The following CFAP61 variants were observed in gnomAD, a reference collection of about 807,000 sequenced individuals.
CFAP61 encodes the protein cilia- and flagella-associated protein 61.
Under a neutral mutation model 135.6 loss-of-function variants are expected in CFAP61, and 107 were observed. The ratio of observed to expected loss-of-function variants is 0.79; its 90% CI spans 0.67 to 0.93. The LOEUF (loss-of-function observed/expected upper bound fraction) is 0.93, where lower values mean the gene tolerates loss of function less well. Among genes scored for constraint, CFAP61 ranks in the 40% least tolerant of loss-of-function variants. CFAP61 has a pLI of 0.00. For synonymous variants in CFAP61, 575 were observed against 578.5 expected, an observed-to-expected ratio of 0.99 and a Z score of 0.09; for missense variants, 1,507 against 1,556.2, an observed-to-expected ratio of 0.97 and a Z score of 0.53.
At chr20:20,075,355 G>A in intron 5 of CFAP61, 99 bp downstream of exon 5, 1 of 1,447,438 alleles carries the variant, frequency 6.9e-7, no homozygotes. Context: ...GTGGTCTCCA[G>A]GTCCTCAATG....
chr20:20,128,165 C>T (rs998627336), intron 8 of CFAP61, among the ~76,000 whole-genome samples: 2 of 151,826 alleles, frequency 1.3e-5, no homozygotes, highest in African/African-American at 4.9e-5. Flanking sequence ...AGACTGCACA[C>T]TGGATTCATG....
At chr20:20,305,319 C>A (rs2056404478) in intron 25 of CFAP61, among the ~76,000 whole-genome samples, 1 of 152,246 alleles carries the variant, frequency 6.6e-6, no homozygotes, top group Non-Finnish European at 1.5e-5. Flanking sequence ...CAGGATGCTG[C>A]CAGCCCACGT....
intron 13 of CFAP61, among the ~76,000 whole-genome samples, chr20:20,187,289 C>T (rs2055576730): frequency 6.6e-6 from 1 of 152,138 alleles, no homozygotes; most frequent in African/African-American, 2.4e-5. Context: ...AGGCAGCTGT[C>T]ATGAGGCAGG....
chr20:20,232,746 C>T (rs1389171464), intron 18 of CFAP61: 1 of 152,156 alleles, frequency 6.6e-6, no homozygotes, highest in East Asian at 1.9e-4. Flanking sequence ...CTAATTTAAT[C>T]CCGACGTAAA....
At chr20:20,108,567 C>T (rs908538793) in intron 8 of CFAP61, among the ~76,000 whole-genome samples, 2 of 152,000 alleles carry the variant, frequency 1.3e-5, no homozygotes, top group Non-Finnish European at 2.9e-5. Context: ...TCAGTAAAGT[C>T]ACCTAATAAA....
At chr20:20,159,332 G>A in intron 9 of CFAP61, 38 bp from the exon 10 acceptor site, 1 of 1,599,862 alleles carries the variant, frequency 6.3e-7, no homozygotes, top group Non-Finnish European at 8.6e-7. Flanking sequence ...CACTGTAGGT[G>A]TCGATTAATT....
chr20:20,187,874 G>T lies in CFAP61; in HGVS notation c.1386-56G>T, dbSNP rs991716954. ...ATATATTACAATTCTGTCTCCATTT[G>T]GGGGGAATACATATTTAGTACTTTA... On this transcript the variant is annotated intron_variant, in intron 13 of 26. Coordinates refer to ENST00000245957, the MANE Select transcript of CFAP61 (RefSeq NM_015585.4). 2.9e-6 allele frequency: 4 copies of T among 1,360,972 alleles called. No homozygotes were observed. In the African/African-American group the frequency reaches 5.7e-5, roughly 20 times the overall value. The allele number at this position is 1,360,972 out of a possible 1,614,324, so 84.3% of individuals were successfully genotyped here.
At chr20:20,225,812 A>G (rs570320244) in intron 17 of CFAP61, among the ~76,000 whole-genome samples, 160 of 152,104 alleles carry the variant, frequency 1.1e-3, no homozygotes, top group African/African-American at 3.7e-3. Context: ...AGACCACCCA[A>G]CCTAAGGCTG....
intron 8 of CFAP61, among the ~76,000 whole-genome samples, chr20:20,108,955 A>G (rs760591193): frequency 6.6e-6 from 1 of 152,246 alleles, no homozygotes; most frequent in Non-Finnish European, 1.5e-5. Flanking sequence ...TTTGTGGCAA[A>G]AGAATCCAGT....
At chr20:20,296,330 T>TCCTTCCCTCCTTCCTTC (rs2055562683) in intron 24 of CFAP61, among the ~76,000 whole-genome samples, 1 of 39,522 alleles carries the variant, frequency 2.5e-5, no homozygotes, top group Non-Finnish European at 5.1e-5. Context: ...TTCCTTCCCT[T>TCCTTCCCTCCTTCCTTC]CCTTCCTTCC....
At chr20:20,214,544 T>C (rs1040509511) in intron 17 of CFAP61, among the ~76,000 whole-genome samples, 1 of 152,174 alleles carries the variant, frequency 6.6e-6, no homozygotes, top group African/African-American at 2.4e-5. Context: ...AGCCCTTCTG[T>C]TGAGTCCTAA....
At chr20:20,341,126 G>A (rs185299119) in intron 25 of CFAP61, among the ~76,000 whole-genome samples, 70 of 152,266 alleles carry the variant, frequency 4.6e-4, no homozygotes, top group East Asian at 9.6e-4. Context: ...CCACCCGAGC[G>A]ACGTGGCTTT....
intron 18 of CFAP61, among the ~76,000 whole-genome samples, chr20:20,238,996 G>A (rs1601565304): frequency 6.6e-6 from 1 of 151,236 alleles, no homozygotes; most frequent in African/African-American, 2.4e-5. Flanking sequence ...TTTGATTTTG[G>A]AGCTGAGGGC....
Position 20,105,180 on chromosome 20 carries a change from G to A in CFAP61, c.859+6366G>A, listed in dbSNP as rs114056779. Among the ~76,000 whole-genome samples the A allele has an allele frequency of 3.2e-3, 490 of 152,128 alleles. 1 individual carries two copies. The highest frequency in any genetic ancestry group is 0.011 in the African/African-American group (456 of 41,474). ...TTCTTCCCCTGGCTGGATGTAAGCC[G>A]CACCCACCCAACCTTCTGTGCCCGA... On this transcript the variant is annotated intron_variant, in intron 8 of 26. Transcript: ENST00000245957.
At chr20:20,055,625 A>G (rs1193467945) in intron 1 of CFAP61, among the ~76,000 whole-genome samples, 1 of 152,202 alleles carries the variant, frequency 6.6e-6, no homozygotes, top group Non-Finnish European at 1.5e-5. Flanking sequence ...TCAGTTATCT[A>G]ATTAATTATA....
At chr20:20,334,580 C>T (rs2058109457) in intron 25 of CFAP61, among the ~76,000 whole-genome samples, 1 of 152,208 alleles carries the variant, frequency 6.6e-6, no homozygotes, top group Admixed American at 6.5e-5. Context: ...GAATTGTAAG[C>T]CGTTTTTCTG....
chr20:20,220,925 TG>T (rs2048356737), intron 17 of CFAP61: 1 of 152,182 alleles, frequency 6.6e-6, no homozygotes. Flanking sequence ...TTAAGTAGTT[TG>T]TTAAAGACAT....
At chr20:20,279,784 C>A (rs1385877969) in intron 22 of CFAP61, among the ~76,000 whole-genome samples, 1 of 152,142 alleles carries the variant, frequency 6.6e-6, no homozygotes, top group African/African-American at 2.4e-5. Context: ...CTTCCCTGGT[C>A]TGCTTGGTCT....
intron 21 of CFAP61, among the ~76,000 whole-genome samples, chr20:20,264,311 C>T (rs904169795): frequency 1.3e-5 from 2 of 152,096 alleles, no homozygotes; most frequent in Non-Finnish European, 2.9e-5. Flanking sequence ...TCCCCATATT[C>T]TTTGGGGATC....
Sources: allele counts gnomAD v4.1 joint callset (sites outside exome capture counted in the v4.1 genomes callset), GRCh38; gene constraint gnomAD v4.1.1; transcripts MANE v1.5; gene names NCBI Gene and HGNC (gene_info 2026-07-23, HGNC 2026-07-21).